NALCN: variants seen among roughly 807,000 people sequenced by gnomAD.
The protein encoded by NALCN is sodium leak channel NALCN.
In NALCN, 111 loss-of-function variants were observed where a neutral mutation model predicts 225.3. That is an observed-to-expected ratio of 0.49 (90% CI 0.42 to 0.58). NALCN has a LOEUF of 0.58. Ranked by LOEUF, NALCN falls within the 20% of genes least tolerant of loss-of-function variation. The probability of loss-of-function intolerance (pLI) is 0.00; values close to 1 mark genes in which losing one functional copy is unlikely to be tolerated. For synonymous variants in NALCN, 764 were observed against 769.0 expected (o/e 0.99, Z 0.11); for missense variants, 1,378 against 2,202.4 (o/e 0.63, Z 7.49).
chr13:101,395,480 G>A (rs1299580122), intron 2 of NALCN, 115 bp from the exon 3 acceptor site: 1 of 921,442 alleles, frequency 1.1e-6, no homozygotes. Context: ...TTACTAATGT[G>A]GAGGTGAAGA....
intron 7 of NALCN, among the ~76,000 whole-genome samples, chr13:101,322,640 T>C (rs2044786005): frequency 1.3e-5 from 2 of 152,230 alleles, no homozygotes; most frequent in Admixed American, 1.3e-4. Flanking sequence ...GTGATTTAAA[T>C]AGAAACCACT....
At chr13:101,381,428 G>A (rs1183888035) in intron 3 of NALCN, among the ~76,000 whole-genome samples, 3 of 152,082 alleles carry the variant, frequency 2.0e-5, no homozygotes, top group African/African-American at 7.2e-5. Context: ...TTAACTATAA[G>A]CATCATACTT....
At chr13:101,059,686 TAATGAAAA>T in intron 42 of NALCN, 124 bp downstream of exon 42, 1 of 801,980 alleles carries the variant, frequency 1.2e-6, no homozygotes, top group Non-Finnish European at 1.8e-6. Flanking sequence ...TTTTTTTTTT[TAATGAAAA>T]TATTCCTATT....
In NALCN at chr13:101,055,214, T is replaced by C. The variant is rs2031061451; in HGVS notation, c.*81A>G. On this transcript the variant is annotated 3_prime_UTR_variant, in exon 44 of 44. Coordinates refer to ENST00000251127, the MANE Select transcript of NALCN (RefSeq NM_052867.4). ...AGCTGGAATTCAGTTATAGATCAAT[T>C]ACAGATTGCTCACTGGACAATCAAG... The C allele has an allele frequency of 2.7e-6, 3 of 1,094,090 alleles. No homozygotes were observed. Among genetic ancestry groups the C allele is most frequent in the Non-Finnish European group, 4.0e-6 (3 of 746,998 alleles). The allele number at this position is 1,094,090 out of a possible 1,614,324, so 67.8% of individuals were successfully genotyped here.
At chr13:101,138,953 C>G (rs2036933797) in intron 17 of NALCN, among the ~76,000 whole-genome samples, 1 of 152,114 alleles carries the variant, frequency 6.6e-6, no homozygotes, top group Non-Finnish European at 1.5e-5. Flanking sequence ...CACAATTGCT[C>G]ACAGGAACGG....
chr13:101,146,700 A>G (rs16958468), intron 15 of NALCN, among the ~76,000 whole-genome samples: 2,219 of 152,310 alleles, frequency 0.015, 50 homozygotes, highest in African/African-American at 0.047. Flanking sequence ...TTGCTGACTC[A>G]TTTATTTATA....
At chr13:101,294,410 T>C (rs2043660645) in intron 7 of NALCN, among the ~76,000 whole-genome samples, 1 of 152,134 alleles carries the variant, frequency 6.6e-6, no homozygotes, top group African/African-American at 2.4e-5. Flanking sequence ...TTACACATTT[T>C]ATCCATAAAA....
chr13:101,075,389 A>C (rs2139475956), intron 35 of NALCN, among the ~76,000 whole-genome samples: 1 of 148,056 alleles, frequency 6.8e-6, no homozygotes, highest in South Asian at 2.1e-4. Flanking sequence ...TGGGAGGTGG[A>C]GAAAACAGTG....
chr13:101,276,299 C>G (rs971970217), intron 10 of NALCN, among the ~76,000 whole-genome samples: 1 of 152,006 alleles, frequency 6.6e-6, no homozygotes, highest in African/African-American at 2.4e-5. Context: ...TAAACTCAGC[C>G]TTATTAAGCA....
intron 6 of NALCN, among the ~76,000 whole-genome samples, chr13:101,364,094 A>G (rs2046320168): frequency 6.6e-6 from 1 of 152,158 alleles, no homozygotes; most frequent in African/African-American, 2.4e-5. Context: ...GTGAGAATGT[A>G]GAGAAACAGG....
At chr13:101,165,121 TG>T (rs1490934146) in intron 15 of NALCN, among the ~76,000 whole-genome samples, 1 of 152,196 alleles carries the variant, frequency 6.6e-6, no homozygotes, top group East Asian at 1.9e-4. Context: ...TTCAGCGTGT[TG>T]TACAAATATC....
At chr13:101,133,117 G>T (rs1206650150) in intron 17 of NALCN, among the ~76,000 whole-genome samples, 1 of 152,100 alleles carries the variant, frequency 6.6e-6, no homozygotes, top group East Asian at 1.9e-4. Context: ...TCACCCAGAA[G>T]TAACCACAGA....
chr13:101,325,618 G>C (rs2044922433), intron 7 of NALCN, among the ~76,000 whole-genome samples: 1 of 152,138 alleles, frequency 6.6e-6, no homozygotes, highest in Admixed American at 6.6e-5. Context: ...TCTTTTCTTT[G>C]TTCATCATCC....
chr13:101,111,079 C>T (rs371574401), intron 19 of NALCN, 46 bp downstream of exon 19: 3 of 1,565,992 alleles, frequency 1.9e-6, no homozygotes, highest in Non-Finnish European at 2.6e-6. Context: ...CCTGTAAAAC[C>T]CCCCTTTTTT....
At chr13:101,367,999 T>C (rs2046425185) in intron 6 of NALCN, among the ~76,000 whole-genome samples, 1 of 151,472 alleles carries the variant, frequency 6.6e-6, no homozygotes, top group African/African-American at 2.4e-5. Flanking sequence ...TATTTTATTT[T>C]ATTTTATTTT....
intron 37 of NALCN, among the ~76,000 whole-genome samples, chr13:101,070,401 C>T (rs1000524216): frequency 6.6e-6 from 1 of 152,150 alleles, no homozygotes; most frequent in African/African-American, 2.4e-5. Flanking sequence ...ATAGTGAATC[C>T]TTTCCAGAAG....
chr13:101,344,927 A>G (rs1489352428), intron 7 of NALCN, among the ~76,000 whole-genome samples: 1 of 152,198 alleles, frequency 6.6e-6, no homozygotes, highest in Non-Finnish European at 1.5e-5. Flanking sequence ...ATATGAAAGG[A>G]AACCAAATTT....
intron 9 of NALCN, among the ~76,000 whole-genome samples, chr13:101,287,863 C>T (rs1024176383): frequency 5.3e-5 from 8 of 152,186 alleles, no homozygotes; most frequent in Admixed American, 1.3e-4. Context: ...ACATGAATAA[C>T]AGGTTATCTA....
At chr13:101,378,445 ATGT>A (rs2046754764) in intron 4 of NALCN, 122 bp downstream of exon 4, 8 of 668,218 alleles carry the variant, frequency 1.2e-5, no homozygotes, top group Admixed American at 3.4e-5. Flanking sequence ...ATAAAATAAA[ATGT>A]TGTAGGCAAT....
Sources: gnomAD v4.1 joint callset for allele counts (sites outside exome capture counted in the v4.1 genomes callset) on GRCh38, gnomAD v4.1.1 for gene constraint, MANE v1.5 for transcripts, NCBI Gene and HGNC (gene_info 2026-07-23, HGNC 2026-07-21) for gene names.